NRAP: variants seen among roughly 807,000 people sequenced by gnomAD.
NRAP encodes nebulin-related-anchoring protein.
Under a neutral mutation model 225.9 loss-of-function variants are expected in NRAP, and 189 were observed. The ratio of observed to expected loss-of-function variants is 0.84; its 90% CI spans 0.74 to 0.94. The LOEUF (loss-of-function observed/expected upper bound fraction) is 0.94. NRAP is among the 40% of genes least tolerant of loss of function. NRAP has a pLI of 0.00. For synonymous variants in NRAP, 769 were observed against 790.7 expected (o/e 0.97, Z 0.46); for missense variants, 2,176 against 2,168.7 (o/e 1.00, Z -0.07).
intron 32 of NRAP, among the ~76,000 whole-genome samples, 157 bp from the exon 33 acceptor site, chr10:113,606,439 T>C (rs569233351): frequency 1.3e-5 from 2 of 152,344 alleles, no homozygotes; most frequent in South Asian, 4.1e-4. Context: ...GATGTTTATT[T>C]CAATAAAGAC....
intron 40 of NRAP, among the ~76,000 whole-genome samples, chr10:113,590,342 T>TAAG (rs1845891798): frequency 6.6e-6 from 1 of 152,180 alleles, no homozygotes; most frequent in African/African-American, 2.4e-5. Flanking sequence ...GGGGTTGGCA[T>TAAG]AAGTGCCAAT....
chr10:113,645,637 G>A (rs542115760), intron 11 of NRAP, among the ~76,000 whole-genome samples, 188 bp downstream of exon 11: 6 of 152,230 alleles, frequency 3.9e-5, no homozygotes, highest in African/African-American at 9.6e-5. Flanking sequence ...GGCTGATCTC[G>A]AACTCCCAAC....
At chr10:113,629,411 T>G (rs1379433210) in intron 19 of NRAP, among the ~76,000 whole-genome samples, 177 bp downstream of exon 19, 2 of 152,218 alleles carry the variant, frequency 1.3e-5, no homozygotes, top group Non-Finnish European at 2.9e-5. Context: ...CAGTCTCCAT[T>G]GTGTCAACTA....
At chr10:113,641,249 A>G (rs1849183376) in intron 13 of NRAP, 116 bp downstream of exon 13, 1 of 649,584 alleles carries the variant, frequency 1.5e-6, no homozygotes, top group Admixed American at 3.0e-5. Flanking sequence ...CAGTCTTTAC[A>G]CAGTCTTTAA....
chr10:113,644,306 C>T (rs973319886), intron 11 of NRAP, among the ~76,000 whole-genome samples: 2 of 152,016 alleles, frequency 1.3e-5, no homozygotes, highest in Non-Finnish European at 2.9e-5. Flanking sequence ...AAGTGATAGC[C>T]TAATGATGGA....
intron 13 of NRAP, 145 bp from the exon 14 acceptor site, chr10:113,640,476 A>C: frequency 1.9e-6 from 1 of 529,932 alleles, no homozygotes; most frequent in Non-Finnish European, 3.3e-6. Flanking sequence ...TTATGTTCAC[A>C]CTTTTGTCTT....
At chr10:113,595,553 G>T in intron 38 of NRAP, 70 bp downstream of exon 38, 2 of 965,862 alleles carry the variant, frequency 2.1e-6, no homozygotes. Context: ...TTAAAAAAAC[G>T]AAATCCACAT....
chr10:113,608,441 C>T lies in NRAP; in HGVS notation c.3675G>A (p.Ala1225=), dbSNP rs376619278. ...CATTCGTTATCTGGTTGCTGAATTT[C>T]GCATGAAGGAGGTTGGGAGTGTCTG... is the stretch of plus-strand genomic sequence containing the variant. ...AVTDTPNLLH[A]KFSNQITNER... Residue 1225 remains alanine, a synonymous_variant, in exon 32 of 42, where the codon GCG becomes GCA. Transcript: ENST00000359988. The T allele has an allele frequency of 1.1e-5, 17 of 1,612,666 alleles. No individual in the cohort carries two copies. In the Admixed American group the frequency reaches 1.3e-4, roughly 13 times the overall value.
At chr10:113,608,387 C>T in intron 32 of NRAP, 27 bp downstream of exon 32, 6 of 1,430,872 alleles carry the variant, frequency 4.2e-6, no homozygotes, top group Non-Finnish European at 5.9e-6. Context: ...TTAAAAAGAC[C>T]ATTCCAAAGC....
At chr10:113,637,093 C>T (rs1294726779) in intron 14 of NRAP, among the ~76,000 whole-genome samples, 1 of 151,794 alleles carries the variant, frequency 6.6e-6, no homozygotes. Context: ...AACTTGTATA[C>T]TCCATGTCTT....
chr10:113,658,832 A>G lies in NRAP; in HGVS notation c.256-1258T>C, dbSNP rs968443484. On this transcript the variant is annotated intron_variant, in intron 3 of 41. Coordinates refer to ENST00000359988, the MANE Select transcript of NRAP (RefSeq NM_198060.4). Reference sequence around the variant, plus strand: ...AGGAGGCGGAGGTTGCAGTGAGCCGACATCACACCACTGCACTCCAGCCTG... The same window carrying G: ...AGGAGGCGGAGGTTGCAGTGAGCCGGCATCACACCACTGCACTCCAGCCTG... Among the ~76,000 whole-genome samples the G allele has an allele frequency of 5.8e-4, 87 of 150,872 alleles. 1 individual carries two copies. The Admixed American group carries it at 5.8e-3, about 10-fold the overall frequency.
intron 38 of NRAP, among the ~76,000 whole-genome samples, chr10:113,594,985 G>A (rs1846208373): frequency 6.6e-6 from 1 of 152,220 alleles, no homozygotes; most frequent in Admixed American, 6.5e-5. Context: ...TGTTATCCAA[G>A]GATCACAGCT....
chr10:113,589,029 G>A lies in NRAP; in HGVS notation c.5139C>T (p.Asn1713=). 1.2e-6 allele frequency: 2 copies of A among 1,613,956 alleles called. No individual in the cohort carries two copies. The highest frequency in any genetic ancestry group is 2.2e-5 in the East Asian group (1 of 44,862). ...CGTGCAGAATCTCAGTGGCATCTGGGTTCACCTCCCCACTCTGATGATCTC... is the reference window on the plus strand; with the variant it reads ...CGTGCAGAATCTCAGTGGCATCTGGATTCACCTCCCCACTCTGATGATCTC... The part of the protein sequence containing the change: ...EAGDHQSGEV[N]PDATEILHVK... The change falls in exon 42 of 42, where the codon AAC becomes AAT. Residue 1713 remains asparagine (N), a synonymous_variant. Coordinates refer to ENST00000359988, the MANE Select transcript of NRAP (RefSeq NM_198060.4).
intron 34 of NRAP, 105 bp downstream of exon 34, chr10:113,605,657 C>A: frequency 1.3e-6 from 1 of 750,812 alleles, no homozygotes; most frequent in Non-Finnish European, 2.4e-6. Flanking sequence ...TCCTGTCTCA[C>A]ATGGTTATAG....
At position 113,610,550 on chromosome 10, in the gene NRAP, G is replaced by A; in HGVS notation, c.3512C>T (p.Ser1171Leu). 1 of 1,589,524 alleles carries A rather than the reference G, an allele frequency of 6.3e-7. No individual in the cohort carries two copies. The highest frequency in any genetic ancestry group is 8.6e-7 in the Non-Finnish European group (1 of 1,157,638). Residue 1171 changes from serine to leucine, a missense_variant, in exon 31 of 42, where the codon TCA becomes TTA. This residue lies in a region of NRAP where 1,708 missense variants were observed against 1,695.5 expected (regional missense o/e 1.01). Transcript: ENST00000359988. ...AACACCTCGCATAAAGTTCAGGTCT[G>A]ACCGGTACAAATTCTAGAAGAAATA... ...HKLQSENLYR[S>L]DLNFMRGVAC...
chr10:113,643,811 A>C (rs1393809772), intron 11 of NRAP, among the ~76,000 whole-genome samples: 1 of 152,220 alleles, frequency 6.6e-6, no homozygotes, highest in Non-Finnish European at 1.5e-5. Context: ...GAAATACCCC[A>C]CAGTTTGTTA....
intron 14 of NRAP, among the ~76,000 whole-genome samples, chr10:113,634,470 C>T (rs1180556146): frequency 6.6e-6 from 1 of 152,176 alleles, no homozygotes; most frequent in Non-Finnish European, 1.5e-5. Context: ...CTCAGCCACA[C>T]TATTAATGAG....
intron 40 of NRAP, among the ~76,000 whole-genome samples, chr10:113,590,016 A>G (rs1845862703): frequency 6.6e-6 from 1 of 152,190 alleles, no homozygotes; most frequent in Admixed American, 6.5e-5. Flanking sequence ...TGTCTCTTGC[A>G]TCTTCCCATT....
intron 4 of NRAP, among the ~76,000 whole-genome samples, chr10:113,654,633 T>C (rs1457107019): frequency 6.6e-6 from 1 of 152,148 alleles, no homozygotes; most frequent in Non-Finnish European, 1.5e-5. Flanking sequence ...TTAAGTGTAT[T>C]GTCTGAGTGA....
Sources: gnomAD v4.1 joint callset for allele counts (sites outside exome capture counted in the v4.1 genomes callset) on GRCh38, gnomAD v4.1.1 for gene constraint, gnomAD v4.1.1 regional missense constraint, MANE v1.5 for transcripts, NCBI Gene and HGNC (gene_info 2026-07-23, HGNC 2026-07-21) for gene names.